The following FAM114A1 variants were observed in gnomAD, a reference collection of about 807,000 sequenced individuals.
The protein encoded by FAM114A1 is protein NOXP20.
Under a neutral mutation model 64.3 loss-of-function variants are expected in FAM114A1, and 62 were observed. The observed-to-expected ratio is 0.96, with a 90% confidence interval of 0.79 to 1.19. The LOEUF is 1.19. Among genes scored for constraint, FAM114A1 ranks in the 50% most tolerant of loss-of-function variants. The pLI is 0.00. For missense variants in FAM114A1, 645 were observed against 676.3 expected (o/e 0.95, Z 0.51); for synonymous variants, 254 against 251.1 (o/e 1.01, Z -0.11).
Position 38,943,730 on chromosome 4 carries a change from C to T in FAM114A1, c.*173C>T, listed in dbSNP as rs1022147136. 9.8e-6 allele frequency: 5 copies of T among 512,434 alleles called. No individual in the cohort carries two copies. Among genetic ancestry groups the T allele is most frequent in the African/African-American group, 9.5e-5 (5 of 52,800 alleles). 31.7% of individuals were successfully genotyped at this position (512,434 alleles called of 1,614,324 possible). A position where few individuals can be genotyped will look rare whatever the true frequency, so the allele number is the denominator to read the frequency against. On this transcript the variant is annotated 3_prime_UTR_variant, in exon 15 of 15. Coordinates refer to ENST00000358869, the MANE Select transcript of FAM114A1 (RefSeq NM_138389.4). ...AAATTTAGAGAGAGTTATCATTTCT[C>T]TCAATGTGTATAATTGTTTTTACAA... is the stretch of plus-strand genomic sequence containing the variant.
intron 9 of FAM114A1, among the ~76,000 whole-genome samples, chr4:38,923,404 G>A (rs1463097701): frequency 6.6e-6 from 1 of 151,890 alleles, no homozygotes; most frequent in Non-Finnish European, 1.5e-5. Context: ...TGTATTTTTA[G>A]TAGAGACGGG....
chr4:38,912,942 G>A (rs1319595446), intron 7 of FAM114A1, among the ~76,000 whole-genome samples: 5 of 152,164 alleles, frequency 3.3e-5, no homozygotes, highest in Non-Finnish European at 7.4e-5. Context: ...AAAACTTTAA[G>A]ATTCAGAGTC....
rs536783602 is a variant in FAM114A1 at position 38,921,505 on chromosome 4, T to C, written c.946-1265T>C. ...TCAAACTCCTGGGCTCAAGTGATCC[T>C]CCCGCCTCAGCCTCCCAAAATGCTG... On this transcript the variant is annotated intron_variant, in intron 8 of 14. Coordinates refer to ENST00000358869, the MANE Select transcript of FAM114A1 (RefSeq NM_138389.4). Among the ~76,000 whole-genome samples the C allele has an allele frequency of 4.6e-5, 7 of 152,280 alleles. No individual in the cohort carries two copies. In the South Asian group the frequency reaches 1.5e-3, roughly 32 times the overall value.
intron 4 of FAM114A1, among the ~76,000 whole-genome samples, chr4:38,899,661 TA>T (rs1162377548): frequency 6.6e-6 from 1 of 152,234 alleles, no homozygotes; most frequent in Non-Finnish European, 1.5e-5. Flanking sequence ...CTGTTATCTT[TA>T]GAAGGAAGTC....
chr4:38,916,207 C>G (rs1719037271), intron 8 of FAM114A1, among the ~76,000 whole-genome samples: 1 of 152,200 alleles, frequency 6.6e-6, no homozygotes. Flanking sequence ...GATGATGGAG[C>G]TACATGTTAC....
At chr4:38,881,665 C>T (rs1715287199) in intron 3 of FAM114A1, among the ~76,000 whole-genome samples, 1 of 152,150 alleles carries the variant, frequency 6.6e-6, no homozygotes, top group Non-Finnish European at 1.5e-5. Context: ...TAAAGATTAC[C>T]AGGAAAGGGG....
chr4:38,896,542 A>C (rs1259967323), intron 4 of FAM114A1, among the ~76,000 whole-genome samples: 1 of 152,246 alleles, frequency 6.6e-6, no homozygotes, highest in Non-Finnish European at 1.5e-5. Context: ...AAGAGGGATC[A>C]TAAGTTGCCC....
chr4:38,938,507 A>G (rs1329110527), intron 13 of FAM114A1: 1 of 152,356 alleles, frequency 6.6e-6, no homozygotes, highest in African/African-American at 2.4e-5. Context: ...AAGCAGAATG[A>G]CAAGGGAGGT....
chr4:38,888,949 T>G (rs1053778290), intron 3 of FAM114A1, among the ~76,000 whole-genome samples: 1 of 152,238 alleles, frequency 6.6e-6, no homozygotes, highest in African/African-American at 2.4e-5. Context: ...ATTAAATATG[T>G]GTATTTAATC....
chr4:38,869,444 G>A (rs568396598), intron 2 of FAM114A1, among the ~76,000 whole-genome samples: 14 of 152,344 alleles, frequency 9.2e-5, no homozygotes, highest in South Asian at 8.3e-4. Context: ...AAAGACTGGT[G>A]AGGCAGGAGT....
At chr4:38,898,722 T>C (rs1717195820) in intron 4 of FAM114A1, among the ~76,000 whole-genome samples, 1 of 152,056 alleles carries the variant, frequency 6.6e-6, no homozygotes, top group Non-Finnish European at 1.5e-5. Context: ...TCAACCATCA[T>C]ATGGAGAGGA....
At chr4:38,943,253 T>G (rs1721712956) in intron 14 of FAM114A1, among the ~76,000 whole-genome samples, 1 of 151,778 alleles carries the variant, frequency 6.6e-6, no homozygotes, top group African/African-American at 2.4e-5. Context: ...TGAATTATTC[T>G]CTCTGTTAGT....
intron 3 of FAM114A1, among the ~76,000 whole-genome samples, chr4:38,887,204 T>C (rs967502992): frequency 1.3e-5 from 2 of 152,230 alleles, no homozygotes; most frequent in African/African-American, 4.8e-5. Context: ...AAATGTTTAA[T>C]TGGGTTTAAA....
intron 13 of FAM114A1, 60 bp from the exon 14 acceptor site, chr4:38,940,908 C>A: frequency 6.5e-7 from 1 of 1,544,154 alleles, no homozygotes; most frequent in Non-Finnish European, 8.9e-7. Flanking sequence ...TTACATTTTA[C>A]GTGGCAAGCC....
At chr4:38,923,625 T>C (rs1349772417) in intron 9 of FAM114A1, among the ~76,000 whole-genome samples, 3 of 152,204 alleles carry the variant, frequency 2.0e-5, no homozygotes, top group Non-Finnish European at 4.4e-5. Context: ...ATTTTTCTTA[T>C]TCCTTTTAAT....
intron 3 of FAM114A1, among the ~76,000 whole-genome samples, chr4:38,883,127 G>A (rs963446766): frequency 3.3e-5 from 5 of 152,072 alleles, no homozygotes; most frequent in Admixed American, 1.3e-4. Context: ...TAAGGCCTCT[G>A]CCAGCATCAT....
intron 2 of FAM114A1, among the ~76,000 whole-genome samples, chr4:38,876,598 A>G (rs139772137): frequency 6.6e-6 from 1 of 152,258 alleles, no homozygotes. Context: ...GAGCTCCAGG[A>G]AAGTTTAAAG....
intron 13 of FAM114A1, among the ~76,000 whole-genome samples, chr4:38,939,264 ATC>A (rs1721388246): frequency 6.6e-6 from 1 of 152,234 alleles, no homozygotes; most frequent in Non-Finnish European, 1.5e-5. Flanking sequence ...AAAAACCTGA[ATC>A]TAAAATAGAA....
At chr4:38,898,313 C>T (rs2109638600) in intron 4 of FAM114A1, among the ~76,000 whole-genome samples, 1 of 152,296 alleles carries the variant, frequency 6.6e-6, no homozygotes, top group East Asian at 1.9e-4. Context: ...GTTCCCCTTA[C>T]TCATCCTCTC....
Sources: gnomAD v4.1 joint callset for allele counts (sites outside exome capture counted in the v4.1 genomes callset) on GRCh38, gnomAD v4.1.1 for gene constraint, MANE v1.5 for transcripts, NCBI Gene and HGNC (gene_info 2026-07-23, HGNC 2026-07-21) for gene names.